ZNF354A: variants seen among roughly 807,000 people sequenced by gnomAD.
ZNF354A encodes zinc finger protein 354A, also known as epididymis luminal protein 104.
Under a neutral mutation model 53.3 loss-of-function variants are expected in ZNF354A, and 25 were observed. The ratio of observed to expected loss-of-function variants is 0.47; its 90% CI spans 0.34 to 0.66. ZNF354A has a LOEUF of 0.66. ZNF354A is among the 30% of genes least tolerant of loss of function. ZNF354A has a pLI of 0.01. For synonymous variants in ZNF354A, 228 were observed against 249.0 expected, an observed-to-expected ratio of 0.92 and a Z score of 0.79; for missense variants, 586 against 716.8, an observed-to-expected ratio of 0.82 and a Z score of 2.08.
At chr5:178,726,657 C>T (rs1410487038) in intron 3 of ZNF354A, among the ~76,000 whole-genome samples, 1 of 149,358 alleles carries the variant, frequency 6.7e-6, no homozygotes, top group African/African-American at 2.4e-5. Context: ...GTGGGAAAGG[C>T]AGGTGGTAGG....
Position 178,713,388 on chromosome 5 carries a change from A to G in ZNF354A, c.490T>C (p.Leu164=), listed in dbSNP as rs767996621. The change falls in exon 5 of 5, where the codon TTG becomes CTG. Residue 164 remains leucine (L), a synonymous_variant. Coordinates refer to ENST00000335815, the MANE Select transcript of ZNF354A (RefSeq NM_005649.3). The stretch of plus-strand genomic sequence containing the variant: ...GACTTTGGGCTGAAGTTTTGGCTCA[A>G]TTCAGTATTTTTATGGCTTCTTTCT... ...TIERSHKNTE[L]SQNFSPKSVL... The G allele has an allele frequency of 6.2e-7, 1 of 1,613,894 alleles. No individual in the cohort carries two copies. Among genetic ancestry groups the G allele is most frequent in the Non-Finnish European group, 8.5e-7 (1 of 1,180,014 alleles).
chr5:178,717,793 C>A (rs535815420), intron 4 of ZNF354A, among the ~76,000 whole-genome samples: 67 of 152,106 alleles, frequency 4.4e-4, no homozygotes, highest in Non-Finnish European at 8.7e-4. Context: ...GTACAGTGTT[C>A]CAGAAGCCAA....
In ZNF354A at chr5:178,712,709, G is replaced by C; in HGVS notation, c.1169C>G (p.Ala390Gly). ...KPFKCSECGR[A>G]FSQSASLIQH... Reference sequence around the variant, plus strand: ...AATAAGAGAGGCACTCTGGCTGAAGGCTCTCCCACATTCACTACATTTAAA... The same window carrying C: ...AATAAGAGAGGCACTCTGGCTGAAGCCTCTCCCACATTCACTACATTTAAA... The change falls in exon 5 of 5, where the codon GCC (alanine) becomes GGC (glycine). Residue 390 changes from alanine to glycine, a missense_variant. Ala to Gly is a moderately conservative substitution (Grantham distance 60). Transcript: ENST00000335815. 6.2e-7 allele frequency: 1 copy of C among 1,613,620 alleles called. No homozygotes were observed. Among genetic ancestry groups the C allele is most frequent in the Non-Finnish European group, 8.5e-7 (1 of 1,179,632 alleles).
At position 178,714,084 on chromosome 5, in the gene ZNF354A, G is replaced by A. The variant is rs144167406; in HGVS notation, c.257-463C>T. Among the ~76,000 whole-genome samples the A allele has an allele frequency of 2.5e-4, 38 of 151,450 alleles. No individual in the cohort carries two copies. The East Asian group carries it at 7.4e-3, about 30-fold the overall frequency. ...TGCAGTGGCGCGATCTCGGCTCACT[G>A]CAACCGGTCTCCTGGCTTCAAGCAA... On this transcript the variant is annotated intron_variant, in intron 4 of 4. Transcript: ENST00000335815.
intron 4 of ZNF354A, among the ~76,000 whole-genome samples, chr5:178,722,884 C>T (rs1765836463): frequency 6.6e-6 from 1 of 152,144 alleles, no homozygotes; most frequent in South Asian, 2.1e-4. Context: ...TGATCTGTGC[C>T]TGTGTGAGCC....
chr5:178,723,823 C>G (rs909408401), intron 4 of ZNF354A, among the ~76,000 whole-genome samples: 1 of 152,024 alleles, frequency 6.6e-6, no homozygotes, highest in Non-Finnish European at 1.5e-5. Context: ...CTCAGTCCCC[C>G]ACTGCCACGA....
chr5:178,728,776 G>A (rs1293803367), intron 2 of ZNF354A, among the ~76,000 whole-genome samples: 15 of 57,052 alleles, frequency 2.6e-4, no homozygotes, highest in African/African-American at 1.9e-3. Context: ...GCGACAAAGC[G>A]AGATTCAAAA....
chr5:178,725,537 C>G, intron 3 of ZNF354A, 66 bp from the exon 4 acceptor site: 3 of 1,509,450 alleles, frequency 2.0e-6, no homozygotes, highest in Non-Finnish European at 2.8e-6. Flanking sequence ...ACAGTTATCC[C>G]AAATTTAAAT....
chr5:178,717,115 A>G (rs1442313244), intron 4 of ZNF354A, among the ~76,000 whole-genome samples: 2 of 151,904 alleles, frequency 1.3e-5, no homozygotes, highest in African/African-American at 4.8e-5. Flanking sequence ...AAAATAAAAA[A>G]CAAAAGAGTG....
intron 4 of ZNF354A, among the ~76,000 whole-genome samples, chr5:178,720,401 G>A (rs1180269049): frequency 2.0e-5 from 3 of 152,142 alleles, no homozygotes; most frequent in Non-Finnish European, 4.4e-5. Context: ...CTAATCCAGC[G>A]TGACTGCTGT....
chr5:178,722,816 G>A (rs900463736), intron 4 of ZNF354A, among the ~76,000 whole-genome samples: 3 of 152,248 alleles, frequency 2.0e-5, no homozygotes, highest in African/African-American at 7.2e-5. Flanking sequence ...TAAGCACGAG[G>A]AGGGAAAATA....
At chr5:178,718,731 T>C (rs984883062) in intron 4 of ZNF354A, among the ~76,000 whole-genome samples, 3 of 152,172 alleles carry the variant, frequency 2.0e-5, no homozygotes, top group African/African-American at 7.2e-5. Flanking sequence ...CATCAAAATC[T>C]TCATTTTTTT....
intron 4 of ZNF354A, among the ~76,000 whole-genome samples, chr5:178,719,026 G>A (rs1765762690): frequency 1.3e-5 from 2 of 152,182 alleles, no homozygotes; most frequent in Non-Finnish European, 2.9e-5. Context: ...TCTCCTCACT[G>A]TAGAGTGACT....
intron 4 of ZNF354A, among the ~76,000 whole-genome samples, chr5:178,719,379 G>A (rs185449052): frequency 5.3e-5 from 8 of 152,334 alleles, no homozygotes; most frequent in Admixed American, 3.3e-4. Context: ...AGAAATGGAC[G>A]TGAACACGAG....
intron 4 of ZNF354A, among the ~76,000 whole-genome samples, chr5:178,716,190 C>T (rs1020287654): frequency 6.6e-6 from 1 of 152,130 alleles, no homozygotes; most frequent in Non-Finnish European, 1.5e-5. Context: ...GCCATCATGC[C>T]CGGCCAATCT....
rs746256078 is a variant in ZNF354A, at chr5:178,712,953, G to A, written c.925C>T (p.Arg309Ter). Residue 309 changes from arginine to a stop codon, truncating the protein, a stop_gained, in exon 5 of 5, where the codon CGA becomes TGA. Transcript: ENST00000335815. LOFTEE classifies it high-confidence loss of function. Reference protein sequence around the residue: ...RCKECGKSFSRRSGLFIHQKI... With the variant: ...RCKECGKSFS ...TGATGTATAAAAAGGCCTGACCTTC[G>A]GCTGAAGGATTTACCACATTCTTTA... 3 of 1,613,802 alleles carry A rather than the reference G, an allele frequency of 1.9e-6. No individual in the cohort carries two copies. The highest frequency in any genetic ancestry group is 1.7e-6 in the Non-Finnish European group (2 of 1,179,984).
At chr5:178,724,696 T>C (rs35007468) in intron 4 of ZNF354A, among the ~76,000 whole-genome samples, 37,234 of 152,136 alleles carry the variant, frequency 0.24, 5,238 homozygotes, top group South Asian at 0.36. Flanking sequence ...ACTAATGTCA[T>C]CAGCTAAGGT....
chr5:178,729,621 G>T (rs4612090), intron 1 of ZNF354A, among the ~76,000 whole-genome samples: 36,197 of 151,100 alleles, frequency 0.24, 5,021 homozygotes, highest in South Asian at 0.34. Flanking sequence ...CGCAGTGGCA[G>T]GATCTCGGCT....
intron 4 of ZNF354A, among the ~76,000 whole-genome samples, chr5:178,717,849 T>C (rs1765742174): frequency 6.6e-6 from 1 of 152,072 alleles, no homozygotes; most frequent in African/African-American, 2.4e-5. Context: ...GGCAAATAAT[T>C]TGAGGACTAA....
Sources: gnomAD v4.1 joint callset for allele counts (sites outside exome capture counted in the v4.1 genomes callset) on GRCh38, gnomAD v4.1.1 for gene constraint, MANE v1.5 for transcripts, NCBI Gene and HGNC (gene_info 2026-07-23, HGNC 2026-07-21) for gene names.